The following SLC10A6 variants were observed in gnomAD, a reference collection of about 807,000 sequenced individuals.
SLC10A6 encodes solute carrier family 10 member 6, also known as sodium-dependent organic anion transporter.
A neutral mutation model predicts 30.0 loss-of-function variants in SLC10A6; 27 were observed. The ratio of observed to expected loss-of-function variants is 0.90; its 90% CI spans 0.66 to 1.24. The LOEUF (loss-of-function observed/expected upper bound fraction) is 1.24. SLC10A6 is among the 50% of genes most tolerant of loss of function. The probability of loss-of-function intolerance (pLI) is 0.00; values close to 1 mark genes in which losing one functional copy is unlikely to be tolerated. For missense variants in SLC10A6, 439 were observed against 457.0 expected, an observed-to-expected ratio of 0.96 and a Z score of 0.36; for synonymous variants, 166 against 173.8, an observed-to-expected ratio of 0.95 and a Z score of 0.36.
intron 3 of SLC10A6, 23 bp downstream of exon 3, chr4:86,831,769 A>C (rs756023411): frequency 6.3e-7 from 1 of 1,596,752 alleles, no homozygotes; most frequent in East Asian, 2.3e-5. Flanking sequence ...GGACGTGCCA[A>C]CAGTGGCCAT....
chr4:86,833,463 T>C, intron 1 of SLC10A6, 39 bp from the exon 2 acceptor site: 3 of 1,497,504 alleles, frequency 2.0e-6, no homozygotes, highest in Non-Finnish European at 2.8e-6. Flanking sequence ...GAGGGAGCAT[T>C]GGACATGAAG....
intron 1 of SLC10A6, among the ~76,000 whole-genome samples, chr4:86,844,962 GA>G (rs1746368372): frequency 6.6e-6 from 1 of 152,082 alleles, no homozygotes; most frequent in Non-Finnish European, 1.5e-5. Context: ...TCAACCCCAT[GA>G]CCTGATCACT....
intron 1 of SLC10A6, among the ~76,000 whole-genome samples, chr4:86,842,892 G>T (rs1746330132): frequency 3.7e-5 from 4 of 108,530 alleles, no homozygotes; most frequent in African/African-American, 6.4e-5. Context: ...TTTTGAGATG[G>T]AGTCTCGCTC....
intron 4 of SLC10A6, 61 bp downstream of exon 4, chr4:86,827,932 A>G (rs1174683603): frequency 6.7e-7 from 1 of 1,493,880 alleles, no homozygotes; most frequent in East Asian, 2.3e-5. Context: ...AGCAAAGCCT[A>G]CCAGTGGCAG....
At chr4:86,837,284 A>AGAG (rs1746209725) in intron 1 of SLC10A6, among the ~76,000 whole-genome samples, 1 of 103,422 alleles carries the variant, frequency 9.7e-6, no homozygotes, top group African/African-American at 3.5e-5. Context: ...AGAAAGAAAG[A>AGAG]AAAAGAAAGG....
chr4:86,848,392 TG>T (rs1306787753), intron 1 of SLC10A6, among the ~76,000 whole-genome samples: 1 of 152,146 alleles, frequency 6.6e-6, no homozygotes, highest in Non-Finnish European at 1.5e-5. Flanking sequence ...GTTAGCTTCT[TG>T]GGATTCTTGG....
chr4:86,847,100 C>T (rs1746405529), intron 1 of SLC10A6, among the ~76,000 whole-genome samples: 1 of 152,122 alleles, frequency 6.6e-6, no homozygotes, highest in Admixed American at 6.6e-5. Flanking sequence ...GGGAAATGTG[C>T]CTAAACTGCA....
chr4:86,842,702 AAAAAAAAAAGAAAAG>A lies in SLC10A6; in HGVS notation c.377+6022_377+6036del, dbSNP rs1259499317. ...CAGAGTCTAAGACCCTGTCTCAAAA[AAAAAAAAAAGAAAAG>A]AAAAGAAAAGAAAAGAAAAGACAAG... On this transcript the variant is annotated intron_variant, in intron 1 of 5. Coordinates refer to ENST00000273905, the MANE Select transcript of SLC10A6 (RefSeq NM_197965.3). Among the ~76,000 whole-genome samples the A allele has an allele frequency of 3.8e-3, 462 of 120,182 alleles. 50 individuals carry two copies. The highest frequency in any genetic ancestry group is 0.019 in the African/African-American group (416 of 21,750). 78.8% of individuals were successfully genotyped at this position (120,182 alleles called of 152,430 possible). A position where few individuals can be genotyped will look rare whatever the true frequency, so the allele number is the denominator to read the frequency against.
chr4:86,839,903 ATTTT>A (rs33927377), intron 1 of SLC10A6, among the ~76,000 whole-genome samples: 8 of 142,240 alleles, frequency 5.6e-5, no homozygotes, highest in African/African-American at 2.1e-4. Flanking sequence ...TTACACTCTT[ATTTT>A]TTTTTTTTAT....
chr4:86,830,878 C>A (rs1290480677), intron 3 of SLC10A6, among the ~76,000 whole-genome samples: 1 of 152,196 alleles, frequency 6.6e-6, no homozygotes, highest in Non-Finnish European at 1.5e-5. Flanking sequence ...TTACAACCTT[C>A]TATCTGCTAA....
At chr4:86,837,095 T>C (rs1746198329) in intron 1 of SLC10A6, among the ~76,000 whole-genome samples, 1 of 151,720 alleles carries the variant, frequency 6.6e-6, no homozygotes, top group Admixed American at 6.6e-5. Context: ...TCTAAATTTA[T>C]TTAGGGAAAA....
At position 86,825,461 on chromosome 4, in the gene SLC10A6, T is replaced by C; in HGVS notation, c.878A>G (p.Tyr293Cys). 1 of 1,611,748 alleles carries C rather than the reference T, an allele frequency of 6.2e-7. No individual in the cohort carries two copies. Among genetic ancestry groups the C allele is most frequent in the Non-Finnish European group, 8.5e-7 (1 of 1,178,144 alleles). ...TCCATCTATCAGCTGGAAGAGTCCA[T>C]AGGCCAGTGGGAAACTCAACATCTG... The part of the protein sequence containing the change: ...LVQMLSFPLA[Y>C]GLFQLIDGFL... The change falls in exon 5 of 6, where the codon TAT (tyrosine) becomes TGT (cysteine). Residue 293 changes from tyrosine to cysteine, a missense_variant. Coordinates refer to ENST00000273905, the MANE Select transcript of SLC10A6 (RefSeq NM_197965.3).
At chr4:86,845,829 A>G (rs1746382868) in intron 1 of SLC10A6, among the ~76,000 whole-genome samples, 1 of 152,200 alleles carries the variant, frequency 6.6e-6, no homozygotes, top group South Asian at 2.1e-4. Context: ...TGACAAGCCC[A>G]GGCAACTGCA....
At chr4:86,848,325 G>A (rs1019416762) in intron 1 of SLC10A6, among the ~76,000 whole-genome samples, 1 of 152,176 alleles carries the variant, frequency 6.6e-6, no homozygotes. Context: ...AGCTACGGGA[G>A]TCTCATTCTG....
chr4:86,840,361 T>TA (rs1487464325), intron 1 of SLC10A6, among the ~76,000 whole-genome samples: 2 of 152,162 alleles, frequency 1.3e-5, no homozygotes, highest in African/African-American at 2.4e-5. Flanking sequence ...TTACCATGAA[T>TA]AATACAAGTA....
At chr4:86,836,694 T>C (rs1237358915) in intron 1 of SLC10A6, among the ~76,000 whole-genome samples, 1 of 152,216 alleles carries the variant, frequency 6.6e-6, no homozygotes, top group African/African-American at 2.4e-5. Context: ...ATATTGTTAT[T>C]ACATTATATG....
At position 86,849,035 on chromosome 4, in the gene SLC10A6, A is replaced by G; in HGVS notation, c.81T>C (p.His27=). ...CTGTGAAAACGAGCTCCAGGTTTCCATGCACCTCCAGTCCCACTGGCAGCT... is the reference window on the plus strand; with the variant it reads ...CTGTGAAAACGAGCTCCAGGTTTCCGTGCACCTCCAGTCCCACTGGCAGCT... ...EEELPVGLEV[H]GNLELVFTVV... Residue 27 remains histidine, a synonymous_variant, in exon 1 of 6, where the codon CAT becomes CAC. Coordinates refer to ENST00000273905, the MANE Select transcript of SLC10A6 (RefSeq NM_197965.3). 6.2e-7 allele frequency: 1 copy of G among 1,614,172 alleles called. No individual in the cohort carries two copies. The highest frequency in any genetic ancestry group is 1.7e-5 in the Admixed American group (1 of 60,014).
At chr4:86,846,666 C>CA (rs1336356659) in intron 1 of SLC10A6, among the ~76,000 whole-genome samples, 1 of 152,138 alleles carries the variant, frequency 6.6e-6, no homozygotes, top group Non-Finnish European at 1.5e-5. Flanking sequence ...GTGGAGGTTG[C>CA]AGCGAGCCGA....
chr4:86,846,772 T>C (rs1388386071), intron 1 of SLC10A6, among the ~76,000 whole-genome samples: 1 of 152,136 alleles, frequency 6.6e-6, no homozygotes, highest in Non-Finnish European at 1.5e-5. Context: ...TGTGTGTACA[T>C]ATATATACAT....
Sources: allele counts gnomAD v4.1 joint callset (sites outside exome capture counted in the v4.1 genomes callset), GRCh38; gene constraint gnomAD v4.1.1; transcripts MANE v1.5; gene names NCBI Gene and HGNC (gene_info 2026-07-23, HGNC 2026-07-21).